EPG5: variants seen among roughly 807,000 people sequenced by gnomAD.
EPG5 encodes the protein ectopic P granules protein 5 homolog.
EPG5 carries 159 observed loss-of-function variants against 302.7 expected under a neutral mutation model. The observed-to-expected ratio is 0.53, with a 90% confidence interval of 0.46 to 0.60. EPG5 has a LOEUF of 0.60. Ranked by LOEUF, EPG5 falls within the 20% of genes least tolerant of loss-of-function variation. The pLI is 0.00. For missense variants in EPG5, 2,896 were observed against 3,092.4 expected, an observed-to-expected ratio of 0.94 and a Z score of 1.51; for synonymous variants, 1,158 against 1,136.8, an observed-to-expected ratio of 1.02 and a Z score of -0.37.
chr18:45,881,722 G>A (rs151300405), intron 31 of EPG5, among the ~76,000 whole-genome samples: 3 of 152,208 alleles, frequency 2.0e-5, no homozygotes, highest in African/African-American at 4.8e-5. Flanking sequence ...TGTAAGAAGG[G>A]GGAACAGAAG....
chr18:45,815,739 A>G, the EPG5 span, among the ~76,000 whole-genome samples: 1 of 152,210 alleles, frequency 6.6e-6, no homozygotes, highest in Non-Finnish European at 1.5e-5. Context: ...CAAATTCAAC[A>G]CAATTCACAA....
At chr18:45,928,801 T>C in intron 13 of EPG5, 68 bp downstream of exon 13, 1 of 1,474,856 alleles carries the variant, frequency 6.8e-7, no homozygotes, top group South Asian at 1.2e-5. Flanking sequence ...AGAACCTTCC[T>C]ATTTTTGCCA....
intron 27 of EPG5, among the ~76,000 whole-genome samples, chr18:45,893,380 C>T (rs566609130): frequency 2.6e-4 from 40 of 152,148 alleles, no homozygotes; most frequent in African/African-American, 8.9e-4. Flanking sequence ...GCCTGGCCAA[C>T]ATGATTAAAC....
chr18:45,933,743 G>A (rs185724169), intron 11 of EPG5, among the ~76,000 whole-genome samples: 217 of 152,104 alleles, frequency 1.4e-3, no homozygotes, highest in African/African-American at 5.1e-3. Flanking sequence ...AACAGTAGAG[G>A]CCCAATAATT....
chr18:45,917,895 G>A (rs1399089652), intron 16 of EPG5, 76 bp from the exon 17 acceptor site: 1 of 1,525,554 alleles, frequency 6.6e-7, no homozygotes, highest in Non-Finnish European at 9.0e-7. Flanking sequence ...TGAGTTATGA[G>A]CCTTCAATAC....
intron 42 of EPG5, among the ~76,000 whole-genome samples, chr18:45,856,470 T>C (rs1000199630): frequency 1.3e-5 from 2 of 152,176 alleles, no homozygotes; most frequent in African/African-American, 4.8e-5. Flanking sequence ...GAAGCTAGAT[T>C]GTGGTGATGG....
In EPG5 at chr18:45,870,605, G is replaced by A. The variant is rs767925401; in HGVS notation, c.6187C>T (p.Leu2063=). The change falls in exon 36 of 44, where the codon CTG becomes TTG. Residue 2063 remains leucine (L), a synonymous_variant. Coordinates refer to ENST00000282041, the MANE Select transcript of EPG5 (RefSeq NM_020964.3). ...STYRKLPWKD[L]HPDQMLMEAF... ...TCCATGAGCATCTGGTCAGGGTGCA[G>A]GTCCTTCCATGGCAGTTTCCGGTAC... 34 of 1,613,946 alleles carry A rather than the reference G, an allele frequency of 2.1e-5. No individual in the cohort carries two copies. The highest frequency in any genetic ancestry group is 2.0e-4 in the Admixed American group (12 of 59,988).
intron 32 of EPG5, among the ~76,000 whole-genome samples, chr18:45,879,682 A>G (rs774800674): frequency 6.6e-6 from 1 of 152,202 alleles, no homozygotes; most frequent in Non-Finnish European, 1.5e-5. Context: ...AGTGGGTTTC[A>G]AACCTTTTCT....
At chr18:45,909,207 T>C (rs565390935) in intron 23 of EPG5, among the ~76,000 whole-genome samples, 3 of 152,052 alleles carry the variant, frequency 2.0e-5, no homozygotes, top group Admixed American at 2.0e-4. Context: ...AGGGAAGAGG[T>C]TGCTAAGTAG....
At chr18:45,937,920 C>T (rs528524507) in intron 10 of EPG5, among the ~76,000 whole-genome samples, 18 of 152,236 alleles carry the variant, frequency 1.2e-4, no homozygotes, top group Non-Finnish European at 2.2e-4. Flanking sequence ...AAATTATATA[C>T]ACAATGTTAC....
At chr18:45,953,345 T>C in intron 2 of EPG5, 1 of 985,316 alleles carries the variant, frequency 1.0e-6, no homozygotes, top group Non-Finnish European at 1.2e-6. Flanking sequence ...TCATTCTTCA[T>C]AGTTCTACTC....
At chr18:45,943,109 T>C (rs576882955) in intron 9 of EPG5, 52 bp downstream of exon 9, 2 of 1,575,988 alleles carry the variant, frequency 1.3e-6, no homozygotes, top group African/African-American at 1.3e-5. Flanking sequence ...GCAGTATCTG[T>C]GTCTGACCAG....
chr18:45,955,507 T>C (rs917464251), intron 1 of EPG5, among the ~76,000 whole-genome samples, 169 bp from the exon 2 acceptor site: 1 of 152,128 alleles, frequency 6.6e-6, no homozygotes, highest in Non-Finnish European at 1.5e-5. Context: ...GAAACAGAAA[T>C]GTGTTTCATA....
the EPG5 span, chr18:45,839,133 G>C: frequency 7.4e-7 from 1 of 1,356,268 alleles, no homozygotes; most frequent in Non-Finnish European, 9.4e-7. Context: ...GCGAGGGGCC[G>C]GGCCGGGGCT....
At chr18:45,819,398 G>A in the EPG5 span, among the ~76,000 whole-genome samples, 5 of 152,090 alleles carry the variant, frequency 3.3e-5, no homozygotes, top group South Asian at 2.1e-4. Flanking sequence ...GATCTGAAGC[G>A]TCCCTTTAAG....
At chr18:45,935,119 G>C (rs1209358621) in intron 10 of EPG5, among the ~76,000 whole-genome samples, 153 bp from the exon 11 acceptor site, 1 of 152,226 alleles carries the variant, frequency 6.6e-6, no homozygotes, top group Non-Finnish European at 1.5e-5. Context: ...GGATGGCTAA[G>C]AATAACAGCA....
the EPG5 span, among the ~76,000 whole-genome samples, chr18:45,813,438 A>G: frequency 6.6e-6 from 1 of 152,200 alleles, no homozygotes; most frequent in Non-Finnish European, 1.5e-5. Flanking sequence ...ATGATTATAA[A>G]TCATGCTGCT....
At chr18:45,861,793 G>C (rs574906317) in intron 39 of EPG5, among the ~76,000 whole-genome samples, 33 of 151,778 alleles carry the variant, frequency 2.2e-4, no homozygotes, top group African/African-American at 8.0e-4. Flanking sequence ...TCGTTTCAAG[G>C]GTCTTGTCCA....
At chr18:45,901,193 C>G in intron 25 of EPG5, 26 bp from the exon 26 acceptor site, 5 of 1,600,548 alleles carry the variant, frequency 3.1e-6, no homozygotes, top group Non-Finnish European at 4.3e-6. Flanking sequence ...GTCATATATA[C>G]TGAGCAATCA....
Sources: gnomAD v4.1 joint callset for allele counts (sites outside exome capture counted in the v4.1 genomes callset) on GRCh38, gnomAD v4.1.1 for gene constraint, MANE v1.5 for transcripts, NCBI Gene and HGNC (gene_info 2026-07-23, HGNC 2026-07-21) for gene names.